The following ROBO1 variants were observed in gnomAD, a reference collection of about 807,000 sequenced individuals.
The protein encoded by ROBO1 is roundabout guidance receptor 1.
A neutral mutation model predicts 195.9 loss-of-function variants in ROBO1; 149 were observed. That is an observed-to-expected ratio of 0.76 (90% CI 0.67 to 0.87). The LOEUF (loss-of-function observed/expected upper bound fraction) is 0.87. ROBO1 is among the 40% of genes least tolerant of loss of function. The pLI is 0.00. For missense variants in ROBO1, 1,933 were observed against 2,068.3 expected (o/e 0.93, Z 1.27); for synonymous variants, 816 against 733.2 (o/e 1.11, Z -1.82).
chr3:79,071,194 T>G (rs1259830996), intron 3 of ROBO1, among the ~76,000 whole-genome samples: 1 of 151,898 alleles, frequency 6.6e-6, no homozygotes, highest in Non-Finnish European at 1.5e-5. Context: ...TTCATTTATT[T>G]CTGATATGCC....
chr3:79,020,772 A>T (rs1408388170), intron 3 of ROBO1, among the ~76,000 whole-genome samples: 1 of 152,160 alleles, frequency 6.6e-6, no homozygotes, highest in Non-Finnish European at 1.5e-5. Flanking sequence ...TGGCAGAATT[A>T]ATATCTACAG....
chr3:78,990,098 T>A (rs959975516), intron 3 of ROBO1, among the ~76,000 whole-genome samples: 1 of 152,188 alleles, frequency 6.6e-6, no homozygotes, highest in South Asian at 2.1e-4. Context: ...ATTAGATTTC[T>A]CTTTTAAACT....
At chr3:78,940,147 G>T (rs2040054462) in intron 3 of ROBO1, among the ~76,000 whole-genome samples, 1 of 152,122 alleles carries the variant, frequency 6.6e-6, no homozygotes, top group Non-Finnish European at 1.5e-5. Context: ...CAAGGTCAAT[G>T]AATAAGGCAA....
chr3:79,005,314 A>T (rs2077595561), intron 3 of ROBO1, among the ~76,000 whole-genome samples: 1 of 152,132 alleles, frequency 6.6e-6, no homozygotes, highest in Admixed American at 6.5e-5. Context: ...GTAGCTCTAG[A>T]ATTTAGCATG....
intron 3 of ROBO1, among the ~76,000 whole-genome samples, chr3:78,971,931 A>C (rs1370560358): frequency 6.6e-6 from 1 of 151,934 alleles, no homozygotes; most frequent in African/African-American, 2.4e-5. Context: ...ATGCCCACTT[A>C]ATATTTTTGT....
At chr3:79,414,528 G>C (rs1195736786) in intron 2 of ROBO1, among the ~76,000 whole-genome samples, 1 of 151,864 alleles carries the variant, frequency 6.6e-6, no homozygotes, top group Non-Finnish European at 1.5e-5. Context: ...GTTGTCCTTT[G>C]TTTTCCTTGG....
intron 3 of ROBO1, chr3:79,018,627 C>T (rs1197394411): frequency 6.9e-7 from 1 of 1,448,084 alleles, no homozygotes; most frequent in Non-Finnish European, 9.1e-7. Flanking sequence ...TTTCCGGACG[C>T]TTGTCAGTAT....
chr3:79,711,797 C>T (rs1467163138), intron 1 of ROBO1, among the ~76,000 whole-genome samples: 2 of 152,016 alleles, frequency 1.3e-5, no homozygotes, highest in Non-Finnish European at 2.9e-5. Flanking sequence ...TTACATTATG[C>T]GTTCCCTTCC....
At chr3:79,487,586 C>G (rs1261282898) in intron 2 of ROBO1, among the ~76,000 whole-genome samples, 2 of 152,110 alleles carry the variant, frequency 1.3e-5, no homozygotes, top group African/African-American at 2.4e-5. Context: ...AGTGGTATAG[C>G]TAAGGTTTGA....
intron 4 of ROBO1, among the ~76,000 whole-genome samples, chr3:78,840,003 A>G (rs1384568246): frequency 6.6e-6 from 1 of 152,330 alleles, no homozygotes; most frequent in African/African-American, 2.4e-5. Flanking sequence ...GAAGACATCA[A>G]TGAAATGTCA....
At chr3:79,007,517 C>T (rs572232159) in intron 3 of ROBO1, among the ~76,000 whole-genome samples, 2 of 152,240 alleles carry the variant, frequency 1.3e-5, no homozygotes, top group African/African-American at 4.8e-5. Flanking sequence ...ATACTGCTAT[C>T]CATAACCTCA....
At chr3:79,677,441 T>C (rs974021029) in intron 1 of ROBO1, among the ~76,000 whole-genome samples, 3 of 151,900 alleles carry the variant, frequency 2.0e-5, no homozygotes, top group African/African-American at 7.2e-5. Flanking sequence ...ACATCGTATG[T>C]GGATGGTGGC....
intron 1 of ROBO1, among the ~76,000 whole-genome samples, chr3:79,678,262 T>G (rs960944646): frequency 1.1e-4 from 16 of 151,844 alleles, no homozygotes; most frequent in African/African-American, 3.4e-4. Context: ...GAGCTGAACA[T>G]GAGGAGCAGA....
At chr3:78,815,529 G>C (rs2084873822) in intron 4 of ROBO1, among the ~76,000 whole-genome samples, 1 of 152,144 alleles carries the variant, frequency 6.6e-6, no homozygotes, top group South Asian at 2.1e-4. Context: ...TTCTATGAAG[G>C]TTGAGGGAGA....
Position 78,938,865 on chromosome 3 carries a change from CA to C in ROBO1, c.234del (p.Ile78MetfsTer10). ...AAAGTTGCAGGTTCTCCTTTTGAGA[CA>C]ATCAGGTCTGAAGGGTGTTCAACAA... is the stretch of plus-strand genomic sequence containing the variant. ...PRIVEHPSDL[I>X]VSKGEPATLN... On this transcript the variant is annotated frameshift_variant, in exon 4 of 31. Transcript: ENST00000464233. LOFTEE classifies it high-confidence loss of function. The C allele has an allele frequency of 6.2e-7, 1 of 1,614,006 alleles. No individual in the cohort carries two copies. Among genetic ancestry groups the C allele is most frequent in the Non-Finnish European group, 8.5e-7 (1 of 1,179,894 alleles).
rs1261993239 is a variant in ROBO1 at position 78,647,672 on chromosome 3, A to G, written c.2813-17T>C. 2.5e-6 allele frequency: 4 copies of G among 1,606,466 alleles called. No individual in the cohort carries two copies. The East Asian group carries it at 8.9e-5, about 36-fold the overall frequency. On this transcript the variant is annotated splice_polypyrimidine_tract_variant and intron_variant, in intron 19 of 30. Coordinates refer to ENST00000464233, the MANE Select transcript of ROBO1 (RefSeq NM_002941.4). ...AAGACGGGACTGAAAAATCAAAACA[A>G]AATATAAACCAGTTATTAAGCTGAA...
At chr3:79,183,970 A>T (rs2081391808) in intron 2 of ROBO1, among the ~76,000 whole-genome samples, 1 of 152,332 alleles carries the variant, frequency 6.6e-6, no homozygotes, top group African/African-American at 2.4e-5. Context: ...TTGTTATTCA[A>T]TTATTATTAT....
intron 3 of ROBO1, among the ~76,000 whole-genome samples, chr3:78,948,719 A>T (rs1211666371): frequency 6.6e-6 from 1 of 152,228 alleles, no homozygotes; most frequent in Non-Finnish European, 1.5e-5. Flanking sequence ...AGAGTAAGTC[A>T]AACTGTCCCT....
At chr3:78,756,819 A>AAAGTCACC (rs542696340) in intron 4 of ROBO1, among the ~76,000 whole-genome samples, 13 of 152,326 alleles carry the variant, frequency 8.5e-5, no homozygotes, top group Admixed American at 7.8e-4. Context: ...AAAAGGCTCA[A>AAAGTCACC]AAGTCACCAG....
Sources: gnomAD v4.1 joint callset for allele counts (sites outside exome capture counted in the v4.1 genomes callset) on GRCh38, gnomAD v4.1.1 for gene constraint, MANE v1.5 for transcripts, NCBI Gene and HGNC (gene_info 2026-07-23, HGNC 2026-07-21) for gene names.